DGLUCY: variants seen among roughly 807,000 people sequenced by gnomAD.
The protein encoded by DGLUCY is D-glutamate cyclase, mitochondrial.
DGLUCY carries 58 observed loss-of-function variants against 58.5 expected under a neutral mutation model. The ratio of observed to expected loss-of-function variants is 0.99; its 90% confidence interval spans 0.80 to 1.23. DGLUCY has a LOEUF of 1.23. Among genes scored for constraint, DGLUCY ranks in the 50% most tolerant of loss-of-function variants. DGLUCY has a pLI of 0.00. For missense variants in DGLUCY, 779 were observed against 784.7 expected, an observed-to-expected ratio of 0.99 and a Z score of 0.09; for synonymous variants, 325 against 314.1, an observed-to-expected ratio of 1.03 and a Z score of -0.37.
At chr14:91,196,744 T>C (rs1490171681) in intron 10 of DGLUCY, among the ~76,000 whole-genome samples, 1 of 94,868 alleles carries the variant, frequency 1.1e-5, no homozygotes, top group Non-Finnish European at 2.1e-5. Context: ...GACATAGCAC[T>C]AAAAAAAAAA....
rs1887959746 is a variant in DGLUCY at position 91,224,622 on chromosome 14, A to G, written c.1717-62A>G. The stretch of plus-strand genomic sequence containing the variant: ...GGATCCTTCTCACTTATAAATGTGT[A>G]TAAAAGAAATTTCTTTTTCCTCCCC... On this transcript the variant is annotated intron_variant, in intron 13 of 13. Coordinates refer to ENST00000256324, the MANE Select transcript of DGLUCY (RefSeq NM_001102368.3). 3 of 1,476,160 alleles carry G rather than the reference A, an allele frequency of 2.0e-6. 1 individual carries two copies. The Admixed American group carries it at 6.4e-5, about 31-fold the overall frequency. 91.4% of individuals were successfully genotyped at this position (1,476,160 alleles called of 1,614,324 possible). A position where few individuals can be genotyped will look rare whatever the true frequency, so the allele number is the denominator to read the frequency against.
chr14:91,204,803 G>C lies in DGLUCY; in HGVS notation c.1542G>C (p.Glu514Asp), dbSNP rs1024249370. 1.9e-6 allele frequency: 3 copies of C among 1,614,002 alleles called. No homozygotes were observed. In the East Asian group the frequency reaches 6.7e-5, roughly 36 times the overall value. Residue 514 changes from glutamate to aspartate, a missense_variant, in exon 12 of 14, where the codon GAG becomes GAC. Transcript: ENST00000256324. ...RHGDVIACDV[E>D]ADFAVIAGVS... Reference sequence around the variant, plus strand: ...GGGATGTCATCGCCTGCGACGTGGAGGCTGACTTTGCCGTCATTGCTGGTG... The same window carrying C: ...GGGATGTCATCGCCTGCGACGTGGACGCTGACTTTGCCGTCATTGCTGGTG...
rs571555198 is a variant in DGLUCY, at chr14:91,224,887, G to A, written c.*54G>A. ...CTACCAACGGGCAGGTCTGCATCCG[G>A]GGAGAATGCAGCTGCTTCTGGCGAC... On this transcript the variant is annotated 3_prime_UTR_variant, in exon 14 of 14. Coordinates refer to ENST00000256324, the MANE Select transcript of DGLUCY (RefSeq NM_001102368.3). 8 of 1,512,936 alleles carry A rather than the reference G, an allele frequency of 5.3e-6. No individual in the cohort carries two copies. The highest frequency in any genetic ancestry group is 2.8e-5 in the African/African-American group (2 of 72,192). The allele number at this position is 1,512,936 out of a possible 1,614,324, so 93.7% of individuals were successfully genotyped here.
intron 1 of DGLUCY, among the ~76,000 whole-genome samples, chr14:91,084,243 A>C (rs1381698093): frequency 4.4e-5 from 6 of 137,636 alleles, no homozygotes; most frequent in Non-Finnish European, 9.2e-5. Flanking sequence ...TTGCTCTGTC[A>C]CCCGGGCTGG....
intron 1 of DGLUCY, among the ~76,000 whole-genome samples, chr14:91,117,646 TACACACACACACACATACACACAC>T (rs1268953745): frequency 0.025 from 3,692 of 149,548 alleles, 65 homozygotes; most frequent in South Asian, 0.042. Flanking sequence ...TTTGTTCACA[TACACACACACACACATACACACAC>T]ACACACACAC....
chr14:91,073,640 A>G (rs1330482079), intron 1 of DGLUCY, among the ~76,000 whole-genome samples: 4 of 152,076 alleles, frequency 2.6e-5, no homozygotes, highest in Admixed American at 2.0e-4. Context: ...CTTTAATGCA[A>G]AAGGGTTATC....
chr14:91,175,947 CAA>C lies in DGLUCY; in HGVS notation c.623_624del (p.Lys208ArgfsTer36), dbSNP rs1225477762. 1 of 1,613,830 alleles carries C rather than the reference CAA, an allele frequency of 6.2e-7. No individual in the cohort carries two copies. Among genetic ancestry groups the C allele is most frequent in the Non-Finnish European group, 8.5e-7 (1 of 1,179,896 alleles). On this transcript the variant is annotated frameshift_variant, in exon 7 of 14. Coordinates refer to ENST00000256324, the MANE Select transcript of DGLUCY (RefSeq NM_001102368.3). LOFTEE classifies it high-confidence loss of function. ...TTCCATCTGCAGAACTGTTGGGAAT[CAA>C]AGAGCTTTCCAAACCTGCCTACGGG... is the stretch of plus-strand genomic sequence containing the variant. ...HMGDPELLGI[K>X]ELSKPAYGDA...
chr14:91,078,806 A>T (rs2044072991), intron 1 of DGLUCY, among the ~76,000 whole-genome samples: 1 of 152,154 alleles, frequency 6.6e-6, no homozygotes, highest in Non-Finnish European at 1.5e-5. Context: ...GTCCAGGGAC[A>T]ACCTCTGGTA....
chr14:91,216,737 G>A (rs1434101509), intron 13 of DGLUCY, among the ~76,000 whole-genome samples: 1 of 152,032 alleles, frequency 6.6e-6, no homozygotes. Flanking sequence ...CTCTCCCTGA[G>A]AGGCAGCAGC....
chr14:91,117,463 G>C (rs979475780), intron 1 of DGLUCY, among the ~76,000 whole-genome samples: 1 of 152,172 alleles, frequency 6.6e-6, no homozygotes, highest in East Asian at 1.9e-4. Context: ...ACTTGGGCTT[G>C]ACTGCTGGTT....
At chr14:91,218,214 G>A (rs1886881316) in intron 13 of DGLUCY, among the ~76,000 whole-genome samples, 1 of 151,928 alleles carries the variant, frequency 6.6e-6, no homozygotes, top group Admixed American at 6.6e-5. Context: ...TCCTGGATCT[G>A]AACTGGAAAA....
At chr14:91,167,844 C>A (rs1053182223) in intron 4 of DGLUCY, 12 of 606,890 alleles carry the variant, frequency 2.0e-5, no homozygotes, top group African/African-American at 3.7e-5. Context: ...TCCTATGGCA[C>A]CAGCACAGAC....
At chr14:91,167,985 C>T (rs983192696) in intron 4 of DGLUCY, among the ~76,000 whole-genome samples, 1 of 152,186 alleles carries the variant, frequency 6.6e-6, no homozygotes, top group African/African-American at 2.4e-5. Flanking sequence ...CTCCTTCAGA[C>T]TGGGTGCTGT....
At chr14:91,162,671 T>C (rs1167738157) in intron 3 of DGLUCY, among the ~76,000 whole-genome samples, 1 of 151,870 alleles carries the variant, frequency 6.6e-6, no homozygotes. Flanking sequence ...CCAAGGCAAG[T>C]GGATCACCTG....
chr14:91,212,282 G>A (rs1485965329), intron 12 of DGLUCY, among the ~76,000 whole-genome samples: 3 of 152,072 alleles, frequency 2.0e-5, no homozygotes, highest in Non-Finnish European at 2.9e-5. Context: ...CAAGGCAGGA[G>A]GACCATTTGA....
intron 1 of DGLUCY, among the ~76,000 whole-genome samples, chr14:91,064,069 T>C (rs761335263): frequency 3.9e-5 from 6 of 152,176 alleles, no homozygotes; most frequent in Admixed American, 6.5e-5. Context: ...AATGGAAATA[T>C]CTGAAATGAC....
intron 13 of DGLUCY, chr14:91,216,255 G>C: frequency 6.2e-6 from 1 of 161,150 alleles, no homozygotes; most frequent in Non-Finnish European, 1.4e-5. Context: ...ATGAGCCCCT[G>C]AAGCTGTTTG....
At chr14:91,168,816 G>T (rs2048416712) in intron 4 of DGLUCY, among the ~76,000 whole-genome samples, 1 of 152,218 alleles carries the variant, frequency 6.6e-6, no homozygotes, top group South Asian at 2.1e-4. Flanking sequence ...GATGGGCGCG[G>T]TGGCTCACGC....
intron 11 of DGLUCY, among the ~76,000 whole-genome samples, chr14:91,201,449 C>T (rs995423540): frequency 6.6e-6 from 1 of 152,066 alleles, no homozygotes; most frequent in African/African-American, 2.4e-5. Context: ...TAGGCGCATG[C>T]CACCACGCCC....
Sources: allele counts gnomAD v4.1 joint callset (sites outside exome capture counted in the v4.1 genomes callset), GRCh38; gene constraint gnomAD v4.1.1; transcripts MANE v1.5; gene names NCBI Gene and HGNC (gene_info 2026-07-23, HGNC 2026-07-21).